Variants in LPA observed in about 807,000 individuals in gnomAD.
LPA encodes the protein apolipoprotein(a).
In LPA, 199 loss-of-function variants were observed where a neutral mutation model predicts 197.9. The ratio of observed to expected loss-of-function variants is 1.01; its 90% confidence interval spans 0.90 to 1.13. The LOEUF (loss-of-function observed/expected upper bound fraction) is 1.13. LPA is among the 50% of genes most tolerant of loss of function. LPA has a pLI of 0.00. For synonymous variants in LPA, 715 were observed against 639.5 expected, an observed-to-expected ratio of 1.12 and a Z score of -1.78; for missense variants, 1,853 against 1,785.8, an observed-to-expected ratio of 1.04 and a Z score of -0.68.
At chr6:160,547,147 T>A (rs1430260983) in intron 32 of LPA, among the ~76,000 whole-genome samples, 1 of 152,174 alleles carries the variant, frequency 6.6e-6, no homozygotes, top group Non-Finnish European at 1.5e-5. Context: ...CATTGTAATA[T>A]ATAATGAAAT....
Position 160,606,476 on chromosome 6 carries a change from C to A in LPA, c.2785+1G>T. 1 of 1,613,364 alleles carries A rather than the reference C, an allele frequency of 6.2e-7. No homozygotes were observed. Among genetic ancestry groups the A allele is most frequent in the African/African-American group, 1.3e-5 (1 of 74,996 alleles). ...TAGGTTTCTGGCCACAGGCTCCTTACCTTGTTCAGAAGGAGCCTCTAGGCT... is the reference window on the plus strand; with the variant it reads ...TAGGTTTCTGGCCACAGGCTCCTTAACTTGTTCAGAAGGAGCCTCTAGGCT... On this transcript the variant is annotated splice_donor_variant, in intron 17 of 38. Transcript: ENST00000316300. LOFTEE classifies it high-confidence loss of function.
intron 26 of LPA, among the ~76,000 whole-genome samples, chr6:160,582,393 G>A (rs530056271): frequency 2.0e-5 from 3 of 151,958 alleles, no homozygotes; most frequent in Admixed American, 1.3e-4. Flanking sequence ...CTCTAAAGGT[G>A]TTATTCCATT....
chr6:160,572,405 G>A (rs187909501), intron 28 of LPA, among the ~76,000 whole-genome samples: 2 of 152,302 alleles, frequency 1.3e-5, no homozygotes, highest in Admixed American at 6.5e-5. Flanking sequence ...ATTGAAATGT[G>A]AGGTGCCACT....
At chr6:160,577,339 C>T (rs1778704294) in intron 27 of LPA, 44 bp from the exon 28 acceptor site, 1 of 1,584,848 alleles carries the variant, frequency 6.3e-7, no homozygotes. Context: ...ATTGCATGAG[C>T]AGAGAAACAT....
At chr6:160,593,220 G>A (rs1026874383) in intron 22 of LPA, among the ~76,000 whole-genome samples, 1 of 152,136 alleles carries the variant, frequency 6.6e-6, no homozygotes, top group African/African-American at 2.4e-5. Context: ...TCTCAAGGAA[G>A]GATGCCAGGG....
intron 24 of LPA, 142 bp downstream of exon 24, chr6:160,589,411 A>G (rs1281544453): frequency 5.0e-6 from 5 of 996,122 alleles, no homozygotes; most frequent in African/African-American, 3.2e-5. Context: ...CCCTGTGCCC[A>G]AAGCAAGAAG....
chr6:160,564,773 C>T (rs540814298), intron 28 of LPA, among the ~76,000 whole-genome samples: 9 of 152,168 alleles, frequency 5.9e-5, no homozygotes, highest in South Asian at 4.2e-4. Flanking sequence ...CAGATGTACC[C>T]GGAAAATCGG....
intron 1 of LPA, among the ~76,000 whole-genome samples, chr6:160,660,507 A>T (rs1370081316): frequency 6.8e-6 from 1 of 146,988 alleles, no homozygotes; most frequent in African/African-American, 2.7e-5. Context: ...ATGTCATGAT[A>T]AAAAAAATAA....
At chr6:160,582,046 T>C (rs1239322365) in intron 26 of LPA, among the ~76,000 whole-genome samples, 2 of 152,152 alleles carry the variant, frequency 1.3e-5, no homozygotes, top group Non-Finnish European at 2.9e-5. Flanking sequence ...ATAATCCTGC[T>C]GATGAAACAT....
intron 1 of LPA, 139 bp downstream of exon 1, chr6:160,664,027 C>T (rs1429185199): frequency 1.7e-6 from 2 of 1,188,176 alleles, no homozygotes; most frequent in Non-Finnish European, 2.4e-6. Flanking sequence ...AAGAATTTTT[C>T]AATCATATAC....
chr6:160,534,752 G>T (rs1198789677), intron 37 of LPA, among the ~76,000 whole-genome samples: 1 of 152,176 alleles, frequency 6.6e-6, no homozygotes, highest in Admixed American at 6.5e-5. Flanking sequence ...TGGACATGTG[G>T]GTGAGACCAG....
chr6:160,558,126 A>G (rs1583577447), intron 28 of LPA, among the ~76,000 whole-genome samples: 1 of 152,120 alleles, frequency 6.6e-6, no homozygotes, highest in East Asian at 1.9e-4. Context: ...TCACCGTGTT[A>G]GCCAGGATGG....
chr6:160,578,182 C>T lies in LPA; in HGVS notation c.4471+341G>A, dbSNP rs527423257. Among the ~76,000 whole-genome samples the T allele has an allele frequency of 3.3e-5, 5 of 152,260 alleles. No homozygotes were observed. In the East Asian group the frequency reaches 9.7e-4, roughly 29 times the overall value. Reference sequence around the variant, plus strand: ...AGTCTACTTTAAATCACTGGAAAGGCTTATTGGCTTGGAAATCTTCACATA... The same window carrying T: ...AGTCTACTTTAAATCACTGGAAAGGTTTATTGGCTTGGAAATCTTCACATA... On this transcript the variant is annotated intron_variant, in intron 27 of 38. Coordinates refer to ENST00000316300, the MANE Select transcript of LPA (RefSeq NM_005577.4).
rs1413610207 is a variant in LPA, at chr6:160,610,935, G to C, written c.2603+627C>G. Among the ~76,000 whole-genome samples the C allele has an allele frequency of 3.9e-5, 6 of 152,108 alleles. No individual in the cohort carries two copies. In the South Asian group the frequency reaches 1.2e-3, roughly 32 times the overall value. Reference sequence around the variant, plus strand: ...TGATTATGGCCAAATGATTGGCCATGGGGTGGTCAGACCAGGGCTTCTATC... The same window carrying C: ...TGATTATGGCCAAATGATTGGCCATCGGGTGGTCAGACCAGGGCTTCTATC... On this transcript the variant is annotated intron_variant, in intron 16 of 38. Coordinates refer to ENST00000316300, the MANE Select transcript of LPA (RefSeq NM_005577.4).
At position 160,654,060 on chromosome 6, in the gene LPA, AT is replaced by A. The variant is rs1780080368; in HGVS notation, c.50-3564del. Reference sequence around the variant, plus strand: ...TTATATATAATATATAATATATTATATATATTATATATAATATATATTATAT... The same window carrying A: ...TTATATATAATATATAATATATTATAATATTATATATAATATATATTATAT... On this transcript the variant is annotated intron_variant, in intron 1 of 38. Coordinates refer to ENST00000316300, the MANE Select transcript of LPA (RefSeq NM_005577.4). Among the ~76,000 whole-genome samples, 7 of 12,226 alleles carry A rather than the reference AT, an allele frequency of 5.7e-4. 1 individual carries two copies. The highest frequency in any genetic ancestry group is 2.3e-3 in the Admixed American group (1 of 438). 8.0% of individuals were successfully genotyped at this position (12,226 alleles called of 152,430 possible).
At chr6:160,568,872 C>A (rs975426315) in intron 28 of LPA, among the ~76,000 whole-genome samples, 1 of 152,150 alleles carries the variant, frequency 6.6e-6, no homozygotes, top group South Asian at 2.1e-4. Flanking sequence ...TGGATGAACT[C>A]CCATTCACAA....
At chr6:160,535,429 G>T (rs1777875849) in intron 37 of LPA, among the ~76,000 whole-genome samples, 1 of 129,846 alleles carries the variant, frequency 7.7e-6, no homozygotes, top group African/African-American at 2.7e-5. Flanking sequence ...GATGGTGATG[G>T]TGGTAGTAGT....
At chr6:160,650,144 C>G (rs1204678109) in intron 2 of LPA, among the ~76,000 whole-genome samples, 194 bp downstream of exon 2, 1 of 152,208 alleles carries the variant, frequency 6.6e-6, no homozygotes, top group East Asian at 1.9e-4. Context: ...TTTTATCAAA[C>G]TCTCAGGAAA....
At chr6:160,558,953 G>C (rs1318075862) in intron 28 of LPA, among the ~76,000 whole-genome samples, 1 of 152,188 alleles carries the variant, frequency 6.6e-6, no homozygotes, top group African/African-American at 2.4e-5. Context: ...TGAGTAAGCT[G>C]GTTCTCCAAG....
Sources: gnomAD v4.1 joint callset for allele counts (sites outside exome capture counted in the v4.1 genomes callset) on GRCh38, gnomAD v4.1.1 for gene constraint, MANE v1.5 for transcripts, NCBI Gene and HGNC (gene_info 2026-07-23, HGNC 2026-07-21) for gene names.